The following DPP4 variants were observed in gnomAD, a reference collection of about 807,000 sequenced individuals.
DPP4 encodes ADCP-2.
Under a neutral mutation model 122.4 loss-of-function variants are expected in DPP4, and 93 were observed. The ratio of observed to expected loss-of-function variants is 0.76; its 90% CI spans 0.64 to 0.90. DPP4 has a LOEUF of 0.90. Among genes scored for constraint, DPP4 ranks in the 40% least tolerant of loss-of-function variants. The pLI is 0.00. For missense variants in DPP4, 914 were observed against 907.3 expected (o/e 1.01, Z -0.09); for synonymous variants, 321 against 302.9 (o/e 1.06, Z -0.62).
In DPP4 at chr2:162,047,474, T is replaced by C; in HGVS notation, c.122A>G (p.Lys41Arg). ...GTDDATADSRKTYTLTDYLKN... is the reference protein window; with the variant it reads ...GTDDATADSRRTYTLTDYLKN... ...TAAGTAATCAGTTAGAGTGTAAGTT[T>C]TGCGACTGTCAGCTGTAGCATCATC... The change falls in exon 3 of 26, where the codon AAA (lysine) becomes AGA (arginine). Residue 41 changes from lysine to arginine, a missense_variant. Physicochemically the swap from Lys to Arg is conservative, Grantham distance 26. Coordinates refer to ENST00000360534, the MANE Select transcript of DPP4 (RefSeq NM_001935.4). 6.3e-7 allele frequency: 1 copy of C among 1,582,060 alleles called. No individual in the cohort carries two copies. Among genetic ancestry groups the C allele is most frequent in the South Asian group, 1.2e-5 (1 of 86,710 alleles).
intron 10 of DPP4, among the ~76,000 whole-genome samples, chr2:162,031,459 G>T (rs2284872): frequency 6.6e-6 from 1 of 151,996 alleles, no homozygotes; most frequent in Non-Finnish European, 1.5e-5. Flanking sequence ...GCCCCTTTCC[G>T]ATGGAATCTT....
At chr2:162,011,269 A>T (rs1263137613) in intron 20 of DPP4, among the ~76,000 whole-genome samples, 1 of 152,138 alleles carries the variant, frequency 6.6e-6, no homozygotes, top group Non-Finnish European at 1.5e-5. Context: ...CAGAGCCCTT[A>T]TACATAGTAC....
chr2:162,020,791 C>T, intron 12 of DPP4, 103 bp from the exon 13 acceptor site: 1 of 655,966 alleles, frequency 1.5e-6, no homozygotes, highest in Non-Finnish European at 2.5e-6. Context: ...CTCAAAAATC[C>T]ATGCTCCATT....
intron 10 of DPP4, among the ~76,000 whole-genome samples, chr2:162,030,054 C>T (rs745526880): frequency 2.0e-5 from 3 of 152,174 alleles, no homozygotes; most frequent in Non-Finnish European, 2.9e-5. Context: ...ACTGGAGATA[C>T]GATTGCAGGA....
chr2:162,058,608 A>G (rs915078757), intron 2 of DPP4, among the ~76,000 whole-genome samples: 5 of 152,240 alleles, frequency 3.3e-5, no homozygotes, highest in South Asian at 2.1e-4. Context: ...CATTATAACG[A>G]AAGTATTTTT....
chr2:162,060,548 A>G (rs566587287), intron 2 of DPP4, among the ~76,000 whole-genome samples: 64 of 152,336 alleles, frequency 4.2e-4, no homozygotes, highest in African/African-American at 1.5e-3. Context: ...TAGATTTTAA[A>G]TATTATACAA....
At chr2:161,999,534 TG>T (rs1701092210) in intron 23 of DPP4, among the ~76,000 whole-genome samples, 1 of 152,148 alleles carries the variant, frequency 6.6e-6, no homozygotes, top group African/African-American at 2.4e-5. Context: ...AGCAACAGCC[TG>T]GCAAGGAGAA....
At position 162,022,764 on chromosome 2, in the gene DPP4, C is replaced by G; in HGVS notation, c.1059G>C (p.Trp353Cys). 1 of 1,614,018 alleles carries G rather than the reference C, an allele frequency of 6.2e-7. No individual in the cohort carries two copies. Among genetic ancestry groups the G allele is most frequent in the Non-Finnish European group, 8.5e-7 (1 of 1,179,998 alleles). The change falls in exon 12 of 26, where the codon TGG (tryptophan) becomes TGC (cysteine). Residue 353 changes from tryptophan to cysteine, a missense_variant. Physicochemically the swap from Trp to Cys is radical, Grantham distance 215 (BLOSUM62 -2). Coordinates refer to ENST00000360534, the MANE Select transcript of DPP4 (RefSeq NM_001935.4). ...AACTTATAACACTTACTCTTCCAAC[C>G]CAGCCAGTAGTACTCATTTCAATGT... ...RQHIEMSTTG[W>C]VGRFRPSEPH...
Position 162,074,168 on chromosome 2 carries a change from G to A in DPP4, c.-187C>T. 1.6e-6 allele frequency: 2 copies of A among 1,275,568 alleles called. No individual in the cohort carries two copies. Among genetic ancestry groups the A allele is most frequent in the South Asian group, 5.7e-5 (2 of 34,924 alleles). The allele number at this position is 1,275,568 out of a possible 1,614,324, so 79.0% of individuals were successfully genotyped here. A position where few individuals can be genotyped will look rare whatever the true frequency, so the allele number is the denominator to read the frequency against. ...CTGGGTATAAAGGCGCCGCGGGCAGGCTGCAGGGCAGGCGGCGCGGGAGCA... is the reference window on the plus strand; with the variant it reads ...CTGGGTATAAAGGCGCCGCGGGCAGACTGCAGGGCAGGCGGCGCGGGAGCA... On this transcript the variant is annotated 5_prime_UTR_variant, in exon 1 of 26. Coordinates refer to ENST00000360534, the MANE Select transcript of DPP4 (RefSeq NM_001935.4).
intron 10 of DPP4, among the ~76,000 whole-genome samples, chr2:162,029,449 C>T (rs944488390): frequency 6.6e-6 from 1 of 152,204 alleles, no homozygotes; most frequent in African/African-American, 2.4e-5. Flanking sequence ...CTCCCAGGTT[C>T]GCTGACAAAT....
intron 23 of DPP4, among the ~76,000 whole-genome samples, chr2:161,996,879 C>A (rs1701019460): frequency 6.6e-6 from 1 of 152,150 alleles, no homozygotes; most frequent in Admixed American, 6.5e-5. Flanking sequence ...CACTGGGGGT[C>A]TTGGAATGTA....
At position 162,031,237 on chromosome 2, in the gene DPP4, C is replaced by A. The variant is rs145018824; in HGVS notation, c.887+2304G>T. Among the ~76,000 whole-genome samples the A allele has an allele frequency of 1.2e-4, 18 of 152,332 alleles. No homozygotes were observed. In the East Asian group the frequency reaches 2.7e-3, roughly 23 times the overall value. ...CCTCGGTTCTCTCACCTGTACCTCA[C>A]AGCGGTGTTGTGACTGTGTCCTGGA... is the stretch of plus-strand genomic sequence containing the variant. On this transcript the variant is annotated intron_variant, in intron 10 of 25. Transcript: ENST00000360534.
rs56270378 is a variant in DPP4, at chr2:162,033,598, C to A, written c.830G>T (p.Ser277Ile). The stretch of plus-strand genomic sequence containing the variant: ...TATGGAAGTTGCATTGGTGACTGAG[C>A]TGAGAGAGTCTGTATTTACAACAAA... ...KFFVVNTDSL[S>I]SVTNATSIQI... Residue 277 changes from serine (S) to isoleucine (I), a missense_variant, in exon 10 of 26, where the codon AGC becomes ATC. Coordinates refer to ENST00000360534, the MANE Select transcript of DPP4 (RefSeq NM_001935.4). 22 of 1,612,738 alleles carry A rather than the reference C, an allele frequency of 1.4e-5. No individual in the cohort carries two copies. The highest frequency in any genetic ancestry group is 1.5e-5 in the Non-Finnish European group (18 of 1,179,582).
intron 5 of DPP4, among the ~76,000 whole-genome samples, chr2:162,041,944 G>A (rs557263760): frequency 2.6e-5 from 4 of 152,320 alleles, no homozygotes; most frequent in Admixed American, 2.6e-4. Flanking sequence ...GAGATATAAT[G>A]GAGGTGGGTG....
chr2:161,996,826 T>A (rs1701017851), intron 23 of DPP4, among the ~76,000 whole-genome samples: 1 of 152,198 alleles, frequency 6.6e-6, no homozygotes, highest in African/African-American at 2.4e-5. Context: ...AAAAAAACCA[T>A]AATGTATAAA....
chr2:162,042,682 T>C (rs1202310426), intron 5 of DPP4, among the ~76,000 whole-genome samples: 1 of 152,128 alleles, frequency 6.6e-6, no homozygotes, highest in East Asian at 1.9e-4. Context: ...AATAGCTTTA[T>C]AATTTAGCAC....
At chr2:162,038,831 T>C (rs1683881416) in intron 7 of DPP4, 118 bp downstream of exon 7, 1 of 889,684 alleles carries the variant, frequency 1.1e-6, no homozygotes, top group Non-Finnish European at 1.8e-6. Flanking sequence ...GCAATAACAC[T>C]ATGTTCTATA....
At chr2:162,040,927 A>T (rs568225986) in intron 5 of DPP4, among the ~76,000 whole-genome samples, 19 of 151,186 alleles carry the variant, frequency 1.3e-4, no homozygotes, top group African/African-American at 4.6e-4. Flanking sequence ...GATATTAATT[A>T]AAAAAAAATG....
At chr2:162,021,085 G>A (rs185303947) in intron 12 of DPP4, among the ~76,000 whole-genome samples, 1 of 152,274 alleles carries the variant, frequency 6.6e-6, no homozygotes, top group East Asian at 1.9e-4. Flanking sequence ...TCTTGAAACA[G>A]ACATATTATT....
Sources: gnomAD v4.1 joint callset for allele counts (sites outside exome capture counted in the v4.1 genomes callset) on GRCh38, gnomAD v4.1.1 for gene constraint, MANE v1.5 for transcripts, NCBI Gene and HGNC (gene_info 2026-07-23, HGNC 2026-07-21) for gene names.